Variants in ATP1B3 observed in about 807,000 individuals in gnomAD.
ATP1B3 encodes ATPase Na+/K+ transporting subunit beta 3.
A neutral mutation model predicts 30.2 loss-of-function variants in ATP1B3; 10 were observed. The observed-to-expected ratio is 0.33, with a 90% CI of 0.20 to 0.56. The LOEUF (loss-of-function observed/expected upper bound fraction) is 0.56, where lower values mean the gene tolerates loss of function less well. ATP1B3 is among the 20% of genes least tolerant of loss of function. The probability of loss-of-function intolerance (pLI) is 0.90; values close to 1 mark genes in which losing one functional copy is unlikely to be tolerated. For missense variants in ATP1B3, 238 were observed against 336.7 expected (o/e 0.71, Z 2.29); for synonymous variants, 113 against 117.0 (o/e 0.97, Z 0.22).
intron 1 of ATP1B3, among the ~76,000 whole-genome samples, chr3:141,889,767 AC>A (rs1933905558): frequency 2.2e-5 from 3 of 134,264 alleles, no homozygotes; most frequent in Non-Finnish European, 4.6e-5. Flanking sequence ...ACACACACAC[AC>A]ACACACACAC....
At chr3:141,913,977 A>G in intron 4 of ATP1B3, 141 bp downstream of exon 4, 1 of 758,240 alleles carries the variant, frequency 1.3e-6, no homozygotes, top group Non-Finnish European at 2.0e-6. Context: ...TTTAAAGACT[A>G]GCAGTAATGT....
intron 5 of ATP1B3, among the ~76,000 whole-genome samples, chr3:141,917,757 CTTTAT>C (rs1209366920): frequency 2.0e-5 from 3 of 151,170 alleles, no homozygotes; most frequent in African/African-American, 4.9e-5. Context: ...GCTTTTCTTT[CTTTAT>C]TTTATTTTAT....
At chr3:141,881,565 C>T (rs1268568986) in intron 1 of ATP1B3, among the ~76,000 whole-genome samples, 1 of 152,166 alleles carries the variant, frequency 6.6e-6, no homozygotes, top group African/African-American at 2.4e-5. Flanking sequence ...TGTTTGTTTT[C>T]CATTGTCTGT....
At chr3:141,903,539 G>T (rs1321914812) in intron 1 of ATP1B3, 81 bp from the exon 2 acceptor site, 1 of 1,578,010 alleles carries the variant, frequency 6.3e-7, no homozygotes, top group African/African-American at 1.4e-5. Flanking sequence ...AAGAACAGTT[G>T]GTTTGTTTTT....
intron 5 of ATP1B3, among the ~76,000 whole-genome samples, chr3:141,919,369 C>T (rs1046734043): frequency 6.6e-6 from 1 of 151,910 alleles, no homozygotes; most frequent in Non-Finnish European, 1.5e-5. Flanking sequence ...CACCCACCTC[C>T]GCCTTTGAAA....
intron 5 of ATP1B3, among the ~76,000 whole-genome samples, chr3:141,917,162 C>T (rs1934479504): frequency 6.6e-6 from 1 of 151,868 alleles, no homozygotes; most frequent in African/African-American, 2.4e-5. Context: ...CCAAAATTTG[C>T]ATTTCTCACT....
At chr3:141,917,912 C>T (rs897927402) in intron 5 of ATP1B3, among the ~76,000 whole-genome samples, 14 of 151,664 alleles carry the variant, frequency 9.2e-5, no homozygotes, top group Admixed American at 6.6e-5. Context: ...GGACTACAGG[C>T]GACCGCCACC....
At chr3:141,891,706 A>G in intron 1 of ATP1B3, among the ~76,000 whole-genome samples, 1 of 152,004 alleles carries the variant, frequency 6.6e-6, no homozygotes, top group African/African-American at 2.4e-5. Context: ...TTAGTCGTAT[A>G]TTTTAATGAT....
At chr3:141,910,220 C>CA in intron 3 of ATP1B3, among the ~76,000 whole-genome samples, 1 of 152,134 alleles carries the variant, frequency 6.6e-6, no homozygotes, top group Non-Finnish European at 1.5e-5. Flanking sequence ...GATCCACCTG[C>CA]CTCCGCCTCC....
chr3:141,907,411 G>A, intron 3 of ATP1B3, 137 bp downstream of exon 3: 2 of 555,258 alleles, frequency 3.6e-6, no homozygotes, highest in East Asian at 3.3e-5. Flanking sequence ...CCTGAGGTTA[G>A]GAGCCAGGTC....
rs1054577560 is a variant in ATP1B3 at position 141,913,443 on chromosome 3, T to G, written c.347-209T>G. Among the ~76,000 whole-genome samples, 3 of 152,186 alleles carry G rather than the reference T, an allele frequency of 2.0e-5. No individual in the cohort carries two copies. In the East Asian group the frequency reaches 5.8e-4, roughly 29 times the overall value. ...GAAGAGATGGATCTATAATCCAGTTTGTATGATTATTGAAATGCAGTAACT... is the reference window on the plus strand; with the variant it reads ...GAAGAGATGGATCTATAATCCAGTTGGTATGATTATTGAAATGCAGTAACT... On this transcript the variant is annotated intron_variant, in intron 3 of 6. Transcript: ENST00000286371.
Position 141,924,339 on chromosome 3 carries a change from C to CAA in ATP1B3, c.670-1176_670-1175dup, listed in dbSNP as rs34894586. Among the ~76,000 whole-genome samples the CAA allele has an allele frequency of 2.3e-3, 265 of 112,894 alleles. 4 individuals carry two copies. The East Asian group carries it at 0.031, about 13-fold the overall frequency. The allele number at this position is 112,894 out of a possible 152,430, so 74.1% of individuals were successfully genotyped here. ...AGCCTGGCAACAGAATGCAATGTCT[C>CAA]AAAAAAAAAAAAAAAAAGGCCAGGT... is the stretch of plus-strand genomic sequence containing the variant. On this transcript the variant is annotated intron_variant, in intron 6 of 6. Transcript: ENST00000286371.
At chr3:141,884,725 A>G (rs1933797213) in intron 1 of ATP1B3, among the ~76,000 whole-genome samples, 1 of 152,166 alleles carries the variant, frequency 6.6e-6, no homozygotes, top group Admixed American at 6.5e-5. Context: ...CTCAAACATT[A>G]GACTCCATGT....
chr3:141,889,928 A>G (rs994225764), intron 1 of ATP1B3, among the ~76,000 whole-genome samples: 7 of 151,044 alleles, frequency 4.6e-5, no homozygotes, highest in Non-Finnish European at 8.8e-5. Flanking sequence ...ACTGGATATT[A>G]TAACAATATT....
At chr3:141,916,481 T>G (rs1934466203) in intron 5 of ATP1B3, 2 of 1,094,786 alleles carry the variant, frequency 1.8e-6, no homozygotes, top group Admixed American at 4.6e-5. Flanking sequence ...ACTTACTTTT[T>G]TTTCCAGAAT....
At chr3:141,906,878 G>A (rs1934273756) in intron 2 of ATP1B3, among the ~76,000 whole-genome samples, 2 of 152,104 alleles carry the variant, frequency 1.3e-5, no homozygotes. Flanking sequence ...CATATAGAAA[G>A]TTCAAAGTAA....
chr3:141,923,140 T>C (rs112891578), intron 6 of ATP1B3, among the ~76,000 whole-genome samples: 1 of 151,880 alleles, frequency 6.6e-6, no homozygotes, highest in Non-Finnish European at 1.5e-5. Flanking sequence ...TAGCCGGGCA[T>C]AGTGGTGGGT....
intron 5 of ATP1B3, among the ~76,000 whole-genome samples, chr3:141,917,056 T>G (rs1934477649): frequency 6.8e-6 from 1 of 147,980 alleles, no homozygotes; most frequent in Non-Finnish European, 1.5e-5. Flanking sequence ...GGTTTCATCA[T>G]GTTAGCCAGG....
intron 5 of ATP1B3, among the ~76,000 whole-genome samples, chr3:141,917,227 C>A (rs1559873439): frequency 6.6e-6 from 1 of 152,024 alleles, no homozygotes; most frequent in Non-Finnish European, 1.5e-5. Flanking sequence ...TTTGAGAACT[C>A]CCGATTTGGA....
Sources: gnomAD v4.1 joint callset for allele counts (sites outside exome capture counted in the v4.1 genomes callset) on GRCh38, gnomAD v4.1.1 for gene constraint, MANE v1.5 for transcripts, NCBI Gene and HGNC (gene_info 2026-07-23, HGNC 2026-07-21) for gene names.